GPR101: variants seen among roughly 807,000 people sequenced by gnomAD.
GPR101 encodes probable G protein-coupled receptor 101.
In GPR101, 8 loss-of-function variants were observed where a neutral mutation model predicts 16.4. The ratio of observed to expected loss-of-function variants is 0.49; its 90% CI spans 0.29 to 0.88. The LOEUF is 0.88. Among genes scored for constraint, GPR101 ranks in the 40% least tolerant of loss-of-function variants. The probability of loss-of-function intolerance (pLI) is 0.09; values close to 1 mark genes in which losing one functional copy is unlikely to be tolerated. For missense variants in GPR101, 375 were observed against 411.7 expected, an observed-to-expected ratio of 0.91 and a Z score of 0.77; for synonymous variants, 155 against 168.7, an observed-to-expected ratio of 0.92 and a Z score of 0.63.
rs1316973500 is a variant in GPR101 at position 137,030,245 on chromosome X, T to C, written c.1430A>G (p.Lys477Arg). 3 of 1,211,175 alleles carry C rather than the reference T, an allele frequency of 2.5e-6. No homozygotes were observed. The South Asian group carries it at 5.3e-5, about 21-fold the overall frequency. ...TGGGTGGCTATCTTCTTTCGGGGGC[T>C]TTTCCTTGCAGAAGAACTTCTTCAG... The part of the protein sequence containing the change: ...DMLKKFFCKE[K>R]PPKEDSHPDL... Residue 477 changes from lysine (K) to arginine (R), a missense_variant, in exon 2 of 2, where the codon AAG becomes AGG. Coordinates refer to ENST00000651716, the MANE Select transcript of GPR101 (RefSeq NM_054021.2).
Position 137,027,097 on chromosome X carries a change from C to G in GPR101, c.*3051G>C, listed in dbSNP as rs766949215. Among the ~76,000 whole-genome samples, 4 of 107,969 alleles carry G rather than the reference C, an allele frequency of 3.7e-5. No individual in the cohort carries two copies. The highest frequency in any genetic ancestry group is 7.6e-5 in the Non-Finnish European group (4 of 52,354). 93.8% of individuals were successfully genotyped at this position (107,969 alleles called of 115,157 possible). A position where few individuals can be genotyped will look rare whatever the true frequency, so the allele number is the denominator to read the frequency against. On this transcript the variant is annotated 3_prime_UTR_variant, in exon 2 of 2. Coordinates refer to ENST00000651716, the MANE Select transcript of GPR101 (RefSeq NM_054021.2). ...GTGTCTCAGAGAAGTGGGACCCTAG[C>G]ATCACAGAAGTCACAGAAGCCCAGG...
Position 137,030,017 on chromosome X carries a change from A to G in GPR101, c.*131T>C, listed in dbSNP as rs1296437641. The G allele has an allele frequency of 1.0e-5, 5 of 500,289 alleles. No individual in the cohort carries two copies. The highest frequency in any genetic ancestry group is 1.6e-5 in the Non-Finnish European group (5 of 312,730). 41.2% of individuals were successfully genotyped at this position (500,289 alleles called of 1,213,427 possible). On this transcript the variant is annotated 3_prime_UTR_variant, in exon 2 of 2. Coordinates refer to ENST00000651716, the MANE Select transcript of GPR101 (RefSeq NM_054021.2). ...TATATATTTATCTACCTTGTGGTGAAGAGCATGTGTGTGCAACACCTTTGC... is the reference window on the plus strand; with the variant it reads ...TATATATTTATCTACCTTGTGGTGAGGAGCATGTGTGTGCAACACCTTTGC...
At chrX:137,032,095 C>A (rs185870831) in intron 1 of GPR101, among the ~76,000 whole-genome samples, 1 of 111,305 alleles carries the variant, frequency 9.0e-6, no homozygotes, top group Non-Finnish European at 1.9e-5. Context: ...TGTCTGTTTA[C>A]GACCGTCAGT....
chrX:137,026,041 A>G lies in GPR101; in HGVS notation c.*4107T>C, dbSNP rs1366948129. 1.8e-5 allele frequency among the ~76,000 whole-genome samples: 2 copies of G among 112,159 alleles called. No homozygotes were observed. Among genetic ancestry groups the G allele is most frequent in the African/African-American group, 6.5e-5 (2 of 30,847 alleles). ...GAGAGCACTAGTCCAGCCCATGGAA[A>G]GTAAGAGGAAGAGATAAGGAGGGAG... On this transcript the variant is annotated 3_prime_UTR_variant, in exon 2 of 2. Coordinates refer to ENST00000651716, the MANE Select transcript of GPR101 (RefSeq NM_054021.2).
chrX:137,030,556 C>A lies in GPR101; in HGVS notation c.1119G>T (p.Pro373=). The change falls in exon 2 of 2, where the codon CCG becomes CCT. Residue 373 remains proline, a synonymous_variant. Coordinates refer to ENST00000651716, the MANE Select transcript of GPR101 (RefSeq NM_054021.2). ...SEDDVEAVNI[P]ESLPPSRRNS... Reference sequence around the variant, plus strand: ...TACGACGACTGGGTGGGAGGCTCTCCGGGATGTTCACTGCCTCGACGTCAT... The same window carrying A: ...TACGACGACTGGGTGGGAGGCTCTCAGGGATGTTCACTGCCTCGACGTCAT... 2.5e-6 allele frequency: 3 copies of A among 1,210,946 alleles called. No homozygotes were observed. The South Asian group carries it at 5.3e-5, about 21-fold the overall frequency.
chrX:137,030,480 T>C lies in GPR101; in HGVS notation c.1195A>G (p.Lys399Glu), dbSNP rs763818077. Reference protein sequence around the residue: ...LPRCYQCKAAKVIFIIIFSYV... With the variant: ...LPRCYQCKAAEVIFIIIFSYV... ...GAGAAAATGATGATGAAGATCACTT[T>C]AGCAGCTTTGCACTGGTAGCACCTG... Residue 399 changes from lysine to glutamate, a missense_variant, in exon 2 of 2, where the codon AAA becomes GAA. Lys to Glu is a moderately conservative substitution (Grantham distance 56). Coordinates refer to ENST00000651716, the MANE Select transcript of GPR101 (RefSeq NM_054021.2). 5.3e-5 allele frequency: 64 copies of C among 1,209,306 alleles called. No individual in the cohort carries two copies. The highest frequency in any genetic ancestry group is 2.4e-4 in the East Asian group (8 of 33,753).
rs1219261100 is a variant in GPR101 at position 137,028,651 on chromosome X, G to A, written c.*1497C>T. On this transcript the variant is annotated 3_prime_UTR_variant, in exon 2 of 2. Coordinates refer to ENST00000651716, the MANE Select transcript of GPR101 (RefSeq NM_054021.2). ...GAGGATCAAAAACACTGGCTTGACT[G>A]TTTTTTTGGTTCCATGTTACTTGGT... Among the ~76,000 whole-genome samples, 1 of 112,002 alleles carries A rather than the reference G, an allele frequency of 8.9e-6. No homozygotes were observed. Among genetic ancestry groups the A allele is most frequent in the Non-Finnish European group, 1.9e-5 (1 of 53,153 alleles).
Position 137,031,403 on chromosome X carries a change from G to T in GPR101, c.272C>A (p.Thr91Asn), listed in dbSNP as rs1471921679. The T allele has an allele frequency of 8.4e-7, 1 of 1,191,370 alleles. No individual in the cohort carries two copies. Among genetic ancestry groups the T allele is most frequent in the Non-Finnish European group, 1.1e-6 (1 of 884,568 alleles). Reference protein sequence around the residue: ...ISLVAPWVVATSVPLFWPLNS... With the variant: ...ISLVAPWVVANSVPLFWPLNS... The stretch of plus-strand genomic sequence containing the variant: ...GAGGGGCCAGAAGAGAGGCACAGAG[G>T]TGGCCACCACCCAGGGGGCCACGAG... The change falls in exon 2 of 2, where the codon ACC becomes AAC. Residue 91 changes from threonine (T) to asparagine (N), a missense_variant. Thr to Asn is a moderately conservative substitution (Grantham distance 65). Coordinates refer to ENST00000651716, the MANE Select transcript of GPR101 (RefSeq NM_054021.2).
In GPR101 at chrX:137,025,879, A is replaced by T. The variant is rs1168060977; in HGVS notation, c.*4269T>A. On this transcript the variant is annotated 3_prime_UTR_variant, in exon 2 of 2. Transcript: ENST00000651716. ...AGCTGGGCATTTGACGTAGAGGAAG[A>T]GATCATTGCTAAGTAATTGGAAAGA... is the stretch of plus-strand genomic sequence containing the variant. 8.9e-6 allele frequency among the ~76,000 whole-genome samples: 1 copy of T among 112,869 alleles called. No individual in the cohort carries two copies. The highest frequency in any genetic ancestry group is 2.8e-4 in the East Asian group (1 of 3,627).
Position 137,030,601 on chromosome X carries a change from G to A in GPR101, c.1074C>T (p.Asp358=), listed in dbSNP as rs537038614. The part of the protein sequence containing the change: ...LGEDDMEFGE[D]DINFSEDDVE... Reference sequence around the variant, plus strand: ...CGTCATCCTCACTGAAATTGATGTCGTCTTCACCAAACTCCATGTCATCTT... The same window carrying A: ...CGTCATCCTCACTGAAATTGATGTCATCTTCACCAAACTCCATGTCATCTT... Residue 358 remains aspartate, a synonymous_variant, in exon 2 of 2, where the codon GAC becomes GAT. Transcript: ENST00000651716. The A allele has an allele frequency of 5.0e-6, 6 of 1,209,270 alleles. No individual in the cohort carries two copies. The East Asian group carries it at 1.5e-4, about 30-fold the overall frequency.
At chrX:137,032,939 G>A (rs1210944219) in intron 1 of GPR101, among the ~76,000 whole-genome samples, 14 of 110,671 alleles carry the variant, frequency 1.3e-4, no homozygotes, top group African/African-American at 3.3e-5. Flanking sequence ...GAGTGTGTGC[G>A]CATCTCTATT....
At position 137,028,541 on chromosome X, in the gene GPR101, C is replaced by G. The variant is rs1927200944; in HGVS notation, c.*1607G>C. 8.9e-6 allele frequency among the ~76,000 whole-genome samples: 1 copy of G among 112,346 alleles called. No individual in the cohort carries two copies. Among genetic ancestry groups the G allele is most frequent in the African/African-American group, 3.2e-5 (1 of 30,960 alleles). On this transcript the variant is annotated 3_prime_UTR_variant, in exon 2 of 2. Transcript: ENST00000651716. ...CAACTACCTGATTAACCATTTTCAA[C>G]CAAACACTCCCTCCACCCATATTGA...
rs753175428 is a variant in GPR101 at position 137,025,016 on chromosome X, G to A, written c.*5132C>T. Among the ~76,000 whole-genome samples, 1 of 111,992 alleles carries A rather than the reference G, an allele frequency of 8.9e-6. No homozygotes were observed. Among genetic ancestry groups the A allele is most frequent in the Non-Finnish European group, 1.9e-5 (1 of 53,226 alleles). ...AAACAGGCACACCAGTGCCAAGTGTGTTGTGGAAAACTGTCAGCAAGGACT... is the reference window on the plus strand; with the variant it reads ...AAACAGGCACACCAGTGCCAAGTGTATTGTGGAAAACTGTCAGCAAGGACT... On this transcript the variant is annotated 3_prime_UTR_variant, in exon 2 of 2. Coordinates refer to ENST00000651716, the MANE Select transcript of GPR101 (RefSeq NM_054021.2).
rs1457087817 is a variant in GPR101 at position 137,028,411 on chromosome X, AT to A, written c.*1736del. Among the ~76,000 whole-genome samples, 1 of 112,217 alleles carries A rather than the reference AT, an allele frequency of 8.9e-6. No homozygotes were observed. The highest frequency in any genetic ancestry group is 3.2e-5 in the African/African-American group (1 of 30,887). On this transcript the variant is annotated 3_prime_UTR_variant, in exon 2 of 2. Coordinates refer to ENST00000651716, the MANE Select transcript of GPR101 (RefSeq NM_054021.2). The stretch of plus-strand genomic sequence containing the variant: ...TGTGAGGAGGAAGAGATAAAAAAAA[AT>A]AAATGAGCTGGGCATTTATTTAAAT...
In GPR101 at chrX:137,031,514, A is replaced by G. The variant is rs1372315538; in HGVS notation, c.161T>C (p.Leu54Pro). 1 of 1,208,020 alleles carries G rather than the reference A, an allele frequency of 8.3e-7. No homozygotes were observed. The highest frequency in any genetic ancestry group is 1.7e-5 in the African/African-American group (1 of 57,343). ...CAGCTGCGGCTTGCGCTGCAACACT[A>G]GCGCCAGCACTATGTTGCCGACGAA... Reference protein sequence around the residue: ...ASFVGNIVLALVLQRKPQLLQ... With the variant: ...ASFVGNIVLAPVLQRKPQLLQ... Residue 54 changes from leucine to proline, a missense_variant, in exon 2 of 2, where the codon CTA (leucine) becomes CCA (proline). By Grantham distance (98) the Leu-to-Pro change is moderately conservative. Coordinates refer to ENST00000651716, the MANE Select transcript of GPR101 (RefSeq NM_054021.2).
At position 137,025,216 on chromosome X, in the gene GPR101, T is replaced by G. The variant is rs932436151; in HGVS notation, c.*4932A>C. On this transcript the variant is annotated 3_prime_UTR_variant, in exon 2 of 2. Coordinates refer to ENST00000651716, the MANE Select transcript of GPR101 (RefSeq NM_054021.2). ...TTCAAAAATAAATTTAAAAAACAAATGTACCATGTTCTACATCAGAAACTG... is the reference window on the plus strand; with the variant it reads ...TTCAAAAATAAATTTAAAAAACAAAGGTACCATGTTCTACATCAGAAACTG... 1.8e-5 allele frequency among the ~76,000 whole-genome samples: 2 copies of G among 112,394 alleles called. No individual in the cohort carries two copies. Among genetic ancestry groups the G allele is most frequent in the Non-Finnish European group, 3.7e-5 (2 of 53,347 alleles).
intron 1 of GPR101, among the ~76,000 whole-genome samples, chrX:137,033,259 A>T (rs1016317180): frequency 9.2e-6 from 1 of 109,178 alleles, no homozygotes; most frequent in African/African-American, 3.3e-5. Flanking sequence ...GGAGTGGGAA[A>T]GGAGCTGGGG....
At chrX:137,033,260 G>A (rs1211012347) in intron 1 of GPR101, among the ~76,000 whole-genome samples, 1 of 109,311 alleles carries the variant, frequency 9.1e-6, no homozygotes, top group Non-Finnish European at 1.9e-5. Flanking sequence ...GAGTGGGAAA[G>A]GAGCTGGGGA....
rs114879480 is a variant in GPR101 at position 137,030,381 on chromosome X, G to A, written c.1294C>T (p.Pro432Ser). ...ATGATTATGGTGATCACCCACTGGG[G>A]TACCTGGGTTTCGACATCCACCCAC... The part of the protein sequence containing the change: ...AVWVDVETQV[P>S]QWVITIIIWL... Residue 432 changes from proline to serine, a missense_variant, in exon 2 of 2, where the codon CCC (proline) becomes TCC (serine). By Grantham distance (74) the Pro-to-Ser change is moderately conservative. Coordinates refer to ENST00000651716, the MANE Select transcript of GPR101 (RefSeq NM_054021.2). 294 of 1,208,041 alleles carry A rather than the reference G, an allele frequency of 2.4e-4. 1 individual carries two copies. The African/African-American group carries it at 4.5e-3, about 19-fold the overall frequency.
Sources: gnomAD v4.1 joint callset for allele counts (sites outside exome capture counted in the v4.1 genomes callset) on GRCh38, gnomAD v4.1.1 for gene constraint, MANE v1.5 for transcripts, NCBI Gene and HGNC (gene_info 2026-07-23, HGNC 2026-07-21) for gene names.